Variants in MCC observed in about 807,000 individuals in gnomAD.
MCC encodes the protein colorectal mutant cancer protein.
In MCC, 90 loss-of-function variants were observed where a neutral mutation model predicts 116.2. That is an observed-to-expected ratio of 0.77 (90% confidence interval 0.65 to 0.92). The LOEUF (loss-of-function observed/expected upper bound fraction) is 0.92, where lower values mean the gene tolerates loss of function less well. Among genes scored for constraint, MCC ranks in the 40% least tolerant of loss-of-function variants. MCC has a pLI of 0.00. For missense variants in MCC, 1,516 were observed against 1,312.2 expected (o/e 1.16, Z -2.40); for synonymous variants, 578 against 510.5 (o/e 1.13, Z -1.78).
intron 1 of MCC, among the ~76,000 whole-genome samples, chr5:113,483,595 GT>G (rs950786774): frequency 5.9e-5 from 9 of 151,920 alleles, no homozygotes; most frequent in Non-Finnish European, 1.3e-4. Flanking sequence ...CCCAAAAGAA[GT>G]TATTTTTAAA....
intron 1 of MCC, among the ~76,000 whole-genome samples, chr5:113,395,599 C>T (rs1278757911): frequency 1.3e-5 from 2 of 152,082 alleles, no homozygotes; most frequent in East Asian, 3.9e-4. Context: ...GTAAGGTGAC[C>T]ATACCCTCCC....
chr5:113,067,769 T>G (rs1201674962), intron 13 of MCC, among the ~76,000 whole-genome samples: 8 of 152,268 alleles, frequency 5.3e-5, no homozygotes, highest in Non-Finnish European at 8.8e-5. Context: ...GAGAGACAGC[T>G]GCAGAAACGC....
intron 15 of MCC, 65 bp from the exon 16 acceptor site, chr5:113,049,364 C>A: frequency 2.9e-6 from 4 of 1,388,294 alleles, no homozygotes; most frequent in South Asian, 1.4e-5. Flanking sequence ...TGGCTGCTGC[C>A]AAGTGGGTGG....
At chr5:113,448,104 C>T (rs974419215) in intron 1 of MCC, 5 of 152,226 alleles carry the variant, frequency 3.3e-5, no homozygotes, top group Middle Eastern at 3.2e-3. Context: ...AAACACATAA[C>T]GCACATTAAA....
rs150967636 is a variant in MCC, at chr5:113,207,981, A to G, written c.628-56559T>C. 6.2e-3 allele frequency among the ~76,000 whole-genome samples: 946 copies of G among 152,190 alleles called. 12 individuals are homozygous for G. Among genetic ancestry groups the G allele is most frequent in the African/African-American group, 0.017 (710 of 41,522 alleles). ...ACCATTCACTTAAAAGAGGGAAATT[A>G]TCCAGCTAAATGCTTACTCATATGC... On this transcript the variant is annotated intron_variant, in intron 3 of 18. Coordinates refer to ENST00000408903, the MANE Select transcript of MCC (RefSeq NM_001085377.2).
intron 17 of MCC, among the ~76,000 whole-genome samples, chr5:113,040,461 G>C (rs1489355221): frequency 6.6e-6 from 1 of 152,102 alleles, no homozygotes; most frequent in Non-Finnish European, 1.5e-5. Flanking sequence ...TTGGTGTCTG[G>C]CACCATCCTT....
At chr5:113,245,726 T>C (rs1764548580) in intron 3 of MCC, among the ~76,000 whole-genome samples, 1 of 152,196 alleles carries the variant, frequency 6.6e-6, no homozygotes, top group Admixed American at 6.5e-5. Context: ...CTCATACTTT[T>C]ATTTTCTCCG....
intron 5 of MCC, among the ~76,000 whole-genome samples, chr5:113,138,494 G>A (rs1262874487): frequency 6.6e-6 from 1 of 152,170 alleles, no homozygotes; most frequent in Non-Finnish European, 1.5e-5. Flanking sequence ...CTCCATGTGA[G>A]GACACAGTGA....
chr5:113,123,596 CACTGT>C (rs1164293477), intron 5 of MCC, among the ~76,000 whole-genome samples: 1 of 152,192 alleles, frequency 6.6e-6, no homozygotes, highest in African/African-American at 2.4e-5. Context: ...CTGGTCTCTT[CACTGT>C]ACTATTAGCA....
intron 3 of MCC, chr5:113,294,775 C>A: frequency 3.0e-6 from 3 of 989,066 alleles, no homozygotes; most frequent in Non-Finnish European, 3.6e-6. Context: ...CTTCCCAGCA[C>A]GAGCCGACAC....
In MCC at chr5:113,177,324, C is replaced by A. The variant is rs975040847; in HGVS notation, c.628-25902G>T. Among the ~76,000 whole-genome samples the A allele has an allele frequency of 3.9e-5, 6 of 152,228 alleles. 1 individual carries two copies. Among genetic ancestry groups the A allele is most frequent in the African/African-American group, 1.4e-4 (6 of 41,456 alleles). On this transcript the variant is annotated intron_variant, in intron 3 of 18. Transcript: ENST00000408903. ...TGGCACAAAGGAGGCACTGAATAAC[C>A]ACATGTTAAAGACTAACATTGACTA...
At chr5:113,314,918 G>A (rs1023756567) in intron 3 of MCC, among the ~76,000 whole-genome samples, 3 of 152,200 alleles carry the variant, frequency 2.0e-5, no homozygotes, top group African/African-American at 7.2e-5. Flanking sequence ...ACTTTGGGAA[G>A]TCAGTTCAAA....
intron 4 of MCC, among the ~76,000 whole-genome samples, chr5:113,144,020 G>GT (rs1759344797): frequency 6.6e-6 from 1 of 152,274 alleles, no homozygotes; most frequent in South Asian, 2.1e-4. Flanking sequence ...CAAGGACTAG[G>GT]TTTCTCATTA....
intron 3 of MCC, among the ~76,000 whole-genome samples, chr5:113,323,624 A>T (rs1419946041): frequency 6.6e-6 from 1 of 152,242 alleles, no homozygotes; most frequent in Non-Finnish European, 1.5e-5. Context: ...GGTCTTAGCC[A>T]TATCAGGTAT....
chr5:113,218,805 C>T (rs1428961965), intron 3 of MCC, among the ~76,000 whole-genome samples: 1 of 151,444 alleles, frequency 6.6e-6, no homozygotes, highest in Admixed American at 6.6e-5. Context: ...AAAAAATCCT[C>T]AGTTTTAAAT....
At chr5:113,337,582 G>C (rs183956057) in intron 3 of MCC, among the ~76,000 whole-genome samples, 1 of 151,982 alleles carries the variant, frequency 6.6e-6, no homozygotes, top group Non-Finnish European at 1.5e-5. Context: ...TGTTCAGTAC[G>C]GTTTTCTTTA....
chr5:113,384,315 G>A lies in MCC; in HGVS notation c.415+653C>T, dbSNP rs183719646. On this transcript the variant is annotated intron_variant, in intron 2 of 18. Coordinates refer to ENST00000408903, the MANE Select transcript of MCC (RefSeq NM_001085377.2). ...TTAAAAAATTGCTTTTAGGCCAGGC[G>A]CAGCGGCTCACACCTGTAATCCCAG... Among the ~76,000 whole-genome samples the A allele has an allele frequency of 5.5e-3, 834 of 152,266 alleles. 2 individuals are homozygous for A. The highest frequency in any genetic ancestry group is 9.1e-3 in the Non-Finnish European group (616 of 68,006).
intron 1 of MCC, among the ~76,000 whole-genome samples, chr5:113,449,065 T>A (rs954834481): frequency 1.3e-5 from 2 of 152,208 alleles, no homozygotes; most frequent in African/African-American, 2.4e-5. Context: ...CTACTGGTCA[T>A]CAGGAAAATC....
intron 3 of MCC, among the ~76,000 whole-genome samples, chr5:113,280,141 C>T (rs550697652): frequency 1.3e-5 from 2 of 152,286 alleles, no homozygotes; most frequent in South Asian, 2.1e-4. Flanking sequence ...TGTAATCTGG[C>T]TGGAAACAAA....
Sources: gnomAD v4.1 joint callset for allele counts (sites outside exome capture counted in the v4.1 genomes callset) on GRCh38, gnomAD v4.1.1 for gene constraint, MANE v1.5 for transcripts, NCBI Gene and HGNC (gene_info 2026-07-23, HGNC 2026-07-21) for gene names.